Variants in BCL11B observed in about 807,000 individuals in gnomAD.
BCL11B encodes the protein BCL11 transcription factor B, also known as B-cell lymphoma/leukemia 11B.
Under a neutral mutation model 49.9 loss-of-function variants are expected in BCL11B, and 8 were observed. The observed-to-expected ratio is 0.16, with a 90% CI of 0.09 to 0.29. The LOEUF is 0.29. Among genes scored for constraint, BCL11B ranks in the 10% least tolerant of loss-of-function variants. BCL11B has a pLI of 1.00. For synonymous variants in BCL11B, 739 were observed against 637.4 expected (o/e 1.16, Z -2.40); for missense variants, 1,006 against 1,351.0 (o/e 0.74, Z 4.00).
chr14:99,220,216 C>A (rs1887968095), intron 3 of BCL11B, among the ~76,000 whole-genome samples: 1 of 152,190 alleles, frequency 6.6e-6, no homozygotes, highest in East Asian at 1.9e-4. Flanking sequence ...ATAGGATTAC[C>A]CTTTGACGCA....
chr14:99,210,235 G>A (rs1229638467), intron 3 of BCL11B, among the ~76,000 whole-genome samples: 10 of 152,150 alleles, frequency 6.6e-5, no homozygotes, highest in Admixed American at 4.6e-4. Flanking sequence ...ACTCTAATGC[G>A]TCTCTGGACA....
chr14:99,234,651 C>G (rs1018988510), intron 2 of BCL11B, among the ~76,000 whole-genome samples: 2 of 152,134 alleles, frequency 1.3e-5, no homozygotes, highest in African/African-American at 4.8e-5. Context: ...TGAGCCAGAG[C>G]CGGAGATCCA....
chr14:99,223,394 G>A (rs1888067875), intron 3 of BCL11B, among the ~76,000 whole-genome samples: 1 of 152,166 alleles, frequency 6.6e-6, no homozygotes, highest in Non-Finnish European at 1.5e-5. Flanking sequence ...TTGTGGAGAG[G>A]GTAGGGTGGT....
Position 99,231,335 on chromosome 14 carries a change from C to T in BCL11B, c.640+10G>A, listed in dbSNP as rs970087194. On this transcript the variant is annotated intron_variant, in intron 3 of 3. Coordinates refer to ENST00000357195, the MANE Select transcript of BCL11B (RefSeq NM_138576.4). The surrounding 1 kb of genome is among the most constrained non-coding windows in gnomAD (Gnocchi z 8.1). ...GGGGGCCCGCCCCCCACCGCGGCGT[C>T]GTCTGTTACCTGACAACTGACACTG... 2.5e-6 allele frequency: 4 copies of T among 1,608,652 alleles called. No individual in the cohort carries two copies. The highest frequency in any genetic ancestry group is 3.4e-6 in the Non-Finnish European group (4 of 1,178,346).
chr14:99,186,599 G>A (rs1212265547), intron 3 of BCL11B, among the ~76,000 whole-genome samples: 6 of 152,218 alleles, frequency 3.9e-5, no homozygotes, highest in African/African-American at 1.4e-4. Flanking sequence ...GCGGAGGTGG[G>A]ACTCCAGACT....
rs369408248 is a variant in BCL11B at position 99,211,206 on chromosome 14, C to A, written c.640+20139G>T. ...TTAAGAAGGCAAAGCCAGGTCTGCCCCAGGCCTGTCTGGCACCCCGTAGGA... is the reference window on the plus strand; with the variant it reads ...TTAAGAAGGCAAAGCCAGGTCTGCCACAGGCCTGTCTGGCACCCCGTAGGA... On this transcript the variant is annotated intron_variant, in intron 3 of 3. Transcript: ENST00000357195. 5.3e-5 allele frequency among the ~76,000 whole-genome samples: 8 copies of A among 152,280 alleles called. No homozygotes were observed. In the East Asian group the frequency reaches 1.4e-3, roughly 26 times the overall value.
intron 2 of BCL11B, among the ~76,000 whole-genome samples, chr14:99,244,613 A>G (rs1231032552): frequency 6.6e-6 from 1 of 152,218 alleles, no homozygotes; most frequent in Admixed American, 6.5e-5. Context: ...TCAGACAGAT[A>G]TGAAAACCTT....
At chr14:99,193,221 T>G (rs1490502067) in intron 3 of BCL11B, among the ~76,000 whole-genome samples, 2 of 152,244 alleles carry the variant, frequency 1.3e-5, no homozygotes, top group Non-Finnish European at 2.9e-5. Flanking sequence ...CGCACACTCC[T>G]CTTTCTTTCT....
intron 2 of BCL11B, among the ~76,000 whole-genome samples, chr14:99,256,719 G>C (rs1889174257): frequency 6.6e-6 from 1 of 152,196 alleles, no homozygotes; most frequent in Non-Finnish European, 1.5e-5. Context: ...TGGGGACAGA[G>C]GGGCCCTAGA....
Position 99,174,712 on chromosome 14 carries a change from G to A in BCL11B, c.2124C>T (p.Tyr708=). 1 of 1,565,344 alleles carries A rather than the reference G, an allele frequency of 6.4e-7. No homozygotes were observed. The highest frequency in any genetic ancestry group is 8.6e-7 in the Non-Finnish European group (1 of 1,157,090). ...PAALIPSENV[Y]SQWLVGYAAS... is the part of the protein sequence containing the mutation. ...CCGCGTAGCCCACCAGCCACTGCGA[G>A]TACACGTTCTCGGACGGGATGAGCG... The change falls in exon 4 of 4, where the codon TAC becomes TAT. Residue 708 remains tyrosine, a synonymous_variant. Transcript: ENST00000357195.
chr14:99,188,573 GCT>G, intron 3 of BCL11B, among the ~76,000 whole-genome samples: 2 of 151,066 alleles, frequency 1.3e-5, no homozygotes, highest in Non-Finnish European at 3.0e-5. Context: ...TGGGGCTGGG[GCT>G]GGGGCTGGGG....
rs1262502148 is a variant in BCL11B at position 99,174,027 on chromosome 14, C to G, written c.*124G>C. The stretch of plus-strand genomic sequence containing the variant: ...GACACAGGTTAGGTTGGAGTGCCGC[C>G]TCCCCTGGGCCCCGGGGACACGCGG... On this transcript the variant is annotated 3_prime_UTR_variant, in exon 4 of 4. Transcript: ENST00000357195. 2.0e-6 allele frequency: 2 copies of G among 981,434 alleles called. No homozygotes were observed. Among genetic ancestry groups the G allele is most frequent in the East Asian group, 5.2e-5 (2 of 38,228 alleles). 60.8% of individuals were successfully genotyped at this position (981,434 alleles called of 1,614,324 possible). A position where few individuals can be genotyped will look rare whatever the true frequency, so the allele number is the denominator to read the frequency against.
intron 3 of BCL11B, among the ~76,000 whole-genome samples, chr14:99,190,739 C>A (rs1887000578): frequency 1.3e-5 from 2 of 152,172 alleles, no homozygotes; most frequent in East Asian, 3.9e-4. Context: ...TAAGCTAATT[C>A]TAGAAAGAAG....
In BCL11B at chr14:99,231,451, C is replaced by A. The variant is rs897088678; in HGVS notation, c.534G>T (p.Pro178=). The A allele has an allele frequency of 5.0e-6, 8 of 1,596,040 alleles. No individual in the cohort carries two copies. Among genetic ancestry groups the A allele is most frequent in the Non-Finnish European group, 6.0e-6 (7 of 1,171,148 alleles). The change falls in exon 3 of 4, where the codon CCG becomes CCT. Residue 178 remains proline, a synonymous_variant. Coordinates refer to ENST00000357195, the MANE Select transcript of BCL11B (RefSeq NM_138576.4). This position sits in a 1 kb window ranked among gnomAD's most constrained non-coding sequence, Gnocchi z 8.1. The part of the protein sequence containing the change: ...TSPLRALGAL[P]PCLPLPCCSA... Reference sequence around the variant, plus strand: ...TGCAGCACGGCAGGGGGAGGCAGGGCGGGAGAGCGCCCAGGGCACGCAGAG... The same window carrying A: ...TGCAGCACGGCAGGGGGAGGCAGGGAGGGAGAGCGCCCAGGGCACGCAGAG...
intron 2 of BCL11B, among the ~76,000 whole-genome samples, chr14:99,251,762 A>G (rs1161777712): frequency 6.6e-6 from 1 of 152,130 alleles, no homozygotes; most frequent in Non-Finnish European, 1.5e-5. Context: ...CATATCTGGG[A>G]TGGGCTTCAA....
chr14:99,187,223 T>C (rs1234422877), intron 3 of BCL11B, among the ~76,000 whole-genome samples: 5 of 152,110 alleles, frequency 3.3e-5, no homozygotes, highest in Non-Finnish European at 7.4e-5. Context: ...TGGCACAGGG[T>C]GAAAACAGTG....
intron 3 of BCL11B, among the ~76,000 whole-genome samples, chr14:99,188,558 G>A (rs1341577448): frequency 6.6e-6 from 1 of 150,658 alleles, no homozygotes; most frequent in Admixed American, 6.6e-5. Flanking sequence ...GGCTGGGGCT[G>A]GGGCTGGGGC....
chr14:99,258,902 T>TC (rs397807557), intron 1 of BCL11B, among the ~76,000 whole-genome samples: 5 of 151,792 alleles, frequency 3.3e-5, no homozygotes, highest in Non-Finnish European at 5.9e-5. Context: ...GGGTTTTTTT[T>TC]GTGGGGGAGA....
At chr14:99,212,596 C>T (rs1336990458) in intron 3 of BCL11B, among the ~76,000 whole-genome samples, 3 of 152,162 alleles carry the variant, frequency 2.0e-5, no homozygotes, top group South Asian at 2.1e-4. Context: ...AGACCCACCC[C>T]GTGATAGGTG....
Sources: allele counts gnomAD v4.1 joint callset (sites outside exome capture counted in the v4.1 genomes callset), GRCh38; gene constraint gnomAD v4.1.1; non-coding constraint Gnocchi (gnomAD v3.1); transcripts MANE v1.5; gene names NCBI Gene and HGNC (gene_info 2026-07-23, HGNC 2026-07-21).